The following FASTKD3 variants were observed in gnomAD, a reference collection of about 807,000 sequenced individuals.
The protein encoded by FASTKD3 is FAST kinase domains 3.
FASTKD3 carries 47 observed loss-of-function variants against 49.7 expected under a neutral mutation model. That is an observed-to-expected ratio of 0.95 (90% CI 0.75 to 1.21). FASTKD3 has a LOEUF of 1.21. Ranked by LOEUF, FASTKD3 falls within the 50% of genes most tolerant of loss-of-function variation. FASTKD3 has a pLI of 0.00. For synonymous variants in FASTKD3, 284 were observed against 288.6 expected (o/e 0.98, Z 0.16); for missense variants, 748 against 765.7 (o/e 0.98, Z 0.27).
rs747144604 is a variant in FASTKD3, at chr5:7,866,960, A to G, written c.1124T>C (p.Met375Thr). 4 of 1,614,050 alleles carry G rather than the reference A, an allele frequency of 2.5e-6. No homozygotes were observed. The Admixed American group carries it at 5.0e-5, about 20-fold the overall frequency. The part of the protein sequence containing the change: ...TLDPEVVCRV[M>T]EYCSRELILS... ...AATCAGTTCTCTACTGCAGTACTCCATGACCCTGCAGACAACTTCAGGATC... is the reference window on the plus strand; with the variant it reads ...AATCAGTTCTCTACTGCAGTACTCCGTGACCCTGCAGACAACTTCAGGATC... The change falls in exon 2 of 7, where the codon ATG becomes ACG. Residue 375 changes from methionine (M) to threonine (T), a missense_variant. Met to Thr is a moderately conservative substitution (Grantham distance 81). Transcript: ENST00000264669.
intron 5 of FASTKD3, 93 bp downstream of exon 5, chr5:7,861,490 T>C (rs1746528860): frequency 2.2e-6 from 2 of 892,214 alleles, no homozygotes; most frequent in Non-Finnish European, 1.6e-6. Flanking sequence ...TCCAGAATCA[T>C]ATCTATTTTT....
Position 7,865,905 on chromosome 5 carries a change from A to G in FASTKD3, c.1517T>C (p.Phe506Ser). Residue 506 changes from phenylalanine to serine, a missense_variant, in exon 3 of 7, where the codon TTC (phenylalanine) becomes TCC (serine). Around this residue, in one of 3 missense-constraint regions of FASTKD3, gnomAD observed 178 missense variants for 182.2 expected, o/e 0.98. Transcript: ENST00000264669. ...LFLASVLECP[F>S]YKGPKLLPKY... ...TATAGTTCATGCTTTTACCTTATAG[A>G]AAGGGCATTCCAGGACTGAGGCTAA... is the stretch of plus-strand genomic sequence containing the variant. 1 of 1,613,298 alleles carries G rather than the reference A, an allele frequency of 6.2e-7. No individual in the cohort carries two copies. The highest frequency in any genetic ancestry group is 1.1e-5 in the South Asian group (1 of 91,052).
chr5:7,865,953 C>T lies in FASTKD3; in HGVS notation c.1469G>A (p.Arg490Gln), dbSNP rs1327694983. 29 of 1,613,820 alleles carry T rather than the reference C, an allele frequency of 1.8e-5. No individual in the cohort carries two copies. The highest frequency in any genetic ancestry group is 2.3e-5 in the Non-Finnish European group (27 of 1,179,902). The part of the protein sequence containing the change: ...GKESHLDTLS[R>Q]AQLTQLFLAS... ...TAAGAAAAGTTGGGTCAGTTGTGCCCGACTCAATGTGTCCAAATGAGATTC... is the reference window on the plus strand; with the variant it reads ...TAAGAAAAGTTGGGTCAGTTGTGCCTGACTCAATGTGTCCAAATGAGATTC... The change falls in exon 3 of 7, where the codon CGG becomes CAG. Residue 490 changes from arginine (R) to glutamine (Q), a missense_variant. Around this residue, in one of 3 missense-constraint regions of FASTKD3, gnomAD observed 6 missense variants for 20.6 expected, o/e 0.29. Transcript: ENST00000264669.
intron 1 of FASTKD3, 59 bp downstream of exon 1, chr5:7,868,920 G>A (rs1282907478): frequency 1.6e-6 from 1 of 632,620 alleles, no homozygotes; most frequent in Non-Finnish European, 2.9e-6. Context: ...GGAGAAAGCC[G>A]GCCAGGTCTT....
Position 7,867,009 on chromosome 5 carries a change from C to T in FASTKD3, c.1075G>A (p.Val359Ile), listed in dbSNP as rs377498257. 5.6e-6 allele frequency: 9 copies of T among 1,614,124 alleles called. No homozygotes were observed. The African/African-American group carries it at 1.2e-4, about 22-fold the overall frequency. ...TCCAACGTGAGGCACACCGCAGCTA[C>T]ACGATGCTCTAGGGCTTTTGTAAAA... ...TFFTKALEHR[V>I]AAVCLTLDPE... The change falls in exon 2 of 7, where the codon GTA becomes ATA. Residue 359 changes from valine (V) to isoleucine (I), a missense_variant. Val to Ile is a conservative substitution (Grantham distance 29). Coordinates refer to ENST00000264669, the MANE Select transcript of FASTKD3 (RefSeq NM_024091.4).
At chr5:7,860,519 A>G (rs1409030586) in intron 6 of FASTKD3, among the ~76,000 whole-genome samples, 1 of 152,260 alleles carries the variant, frequency 6.6e-6, no homozygotes, top group Non-Finnish European at 1.5e-5. Flanking sequence ...GAATATAGGT[A>G]GGCCCCACTT....
chr5:7,861,729 T>C (rs1363642005), intron 4 of FASTKD3, 77 bp from the exon 5 acceptor site: 2 of 1,542,166 alleles, frequency 1.3e-6, no homozygotes, highest in Non-Finnish European at 8.7e-7. Flanking sequence ...TTCCTTTGCT[T>C]TGCTTTGATT....
Position 7,862,901 on chromosome 5 carries a change from T to G in FASTKD3, c.1621A>C (p.Lys541Gln). ...PVDSQLYRYV[K>Q]IGLTNLLGAR... ...CCTAAAAGGTTAGTCAGCCCAATCTTCACATATCTATAAAGCTGAGAATCC... is the reference window on the plus strand; with the variant it reads ...CCTAAAAGGTTAGTCAGCCCAATCTGCACATATCTATAAAGCTGAGAATCC... Residue 541 changes from lysine to glutamine, a missense_variant, in exon 4 of 7, where the codon AAG (lysine) becomes CAG (glutamine). Coordinates refer to ENST00000264669, the MANE Select transcript of FASTKD3 (RefSeq NM_024091.4). The G allele has an allele frequency of 6.2e-7, 1 of 1,614,082 alleles. No homozygotes were observed. The highest frequency in any genetic ancestry group is 8.5e-7 in the Non-Finnish European group (1 of 1,179,970).
At chr5:7,864,118 T>C (rs1746760193) in intron 3 of FASTKD3, among the ~76,000 whole-genome samples, 1 of 152,202 alleles carries the variant, frequency 6.6e-6, no homozygotes, top group Non-Finnish European at 1.5e-5. Flanking sequence ...CCAAAAGTGC[T>C]GCGATTACAG....
intron 1 of FASTKD3, among the ~76,000 whole-genome samples, chr5:7,868,540 G>A (rs149422144): frequency 1.3e-5 from 2 of 152,278 alleles, no homozygotes; most frequent in East Asian, 3.9e-4. Flanking sequence ...CAAAGAACAG[G>A]TAAAGTGGGC....
intron 1 of FASTKD3, 67 bp from the exon 2 acceptor site, chr5:7,868,263 G>A (rs1747202343): frequency 1.9e-6 from 1 of 538,764 alleles, no homozygotes; most frequent in Non-Finnish European, 3.2e-6. Flanking sequence ...CAAAGTCTCT[G>A]CATCCTAGAG....
chr5:7,864,879 A>T (rs1046371656), intron 3 of FASTKD3, among the ~76,000 whole-genome samples: 3 of 151,202 alleles, frequency 2.0e-5, no homozygotes, highest in African/African-American at 7.4e-5. Flanking sequence ...TCTAGTTTAT[A>T]TATGAAAAAA....
Position 7,867,096 on chromosome 5 carries a change from T to C in FASTKD3, c.988A>G (p.Thr330Ala), listed in dbSNP as rs774916287. 5.0e-6 allele frequency: 8 copies of C among 1,614,056 alleles called. No homozygotes were observed. Among genetic ancestry groups the C allele is most frequent in the Admixed American group, 1.7e-5 (1 of 59,998 alleles). The change falls in exon 2 of 7, where the codon ACT (threonine) becomes GCT (alanine). Residue 330 changes from threonine (T) to alanine (A), a missense_variant. By Grantham distance (58) the Thr-to-Ala change is moderately conservative (BLOSUM62 0). Coordinates refer to ENST00000264669, the MANE Select transcript of FASTKD3 (RefSeq NM_024091.4). ...AAGACTCTCCTAAGCTCCTCGTTAGTGAAATGTGGGACATGCCTCACGACA... is the reference window on the plus strand; with the variant it reads ...AAGACTCTCCTAAGCTCCTCGTTAGCGAAATGTGGGACATGCCTCACGACA... ...KYVVRHVPHF[T>A]NEELRRVLEA...
At chr5:7,861,760 A>C (rs780927235) in intron 4 of FASTKD3, 108 bp from the exon 5 acceptor site, 57 of 1,479,740 alleles carry the variant, frequency 3.9e-5, no homozygotes, top group Non-Finnish European at 4.9e-5. Flanking sequence ...TGCATTGATC[A>C]ATTGGACTGA....
At position 7,861,169 on chromosome 5, in the gene FASTKD3, G is replaced by A. The variant is rs1746506752; in HGVS notation, c.1864C>T (p.Leu622Phe). ...EAIKQRHLQL[L>F]GYQVVQIPYH... ...CGTACCTGAACAACTTGATAACCGA[G>A]TAACTGTAGGTGTCTTTGTTTAATA... is the stretch of plus-strand genomic sequence containing the variant. Residue 622 changes from leucine to phenylalanine, a missense_variant, in exon 6 of 7, where the codon CTC (leucine) becomes TTC (phenylalanine). Leu to Phe is a conservative substitution (Grantham distance 22, BLOSUM62 0). Around this residue, in one of 3 missense-constraint regions of FASTKD3, gnomAD observed 178 missense variants for 182.2 expected, o/e 0.98. Coordinates refer to ENST00000264669, the MANE Select transcript of FASTKD3 (RefSeq NM_024091.4). 1 of 1,607,332 alleles carries A rather than the reference G, an allele frequency of 6.2e-7. No individual in the cohort carries two copies. The highest frequency in any genetic ancestry group is 8.5e-7 in the Non-Finnish European group (1 of 1,175,570).
In FASTKD3 at chr5:7,867,327, G is replaced by T; in HGVS notation, c.757C>A (p.Pro253Thr). 1.9e-6 allele frequency: 3 copies of T among 1,613,918 alleles called. No homozygotes were observed. Among genetic ancestry groups the T allele is most frequent in the Non-Finnish European group, 2.5e-6 (3 of 1,180,028 alleles). The part of the protein sequence containing the change: ...LQGEKLETFT[P>T]EDIVALYRIL... ...CTATAAAGGGCCACAATATCCTCCG[G>T]GGTAAATGTTTCCAATTTTTCACCT... Residue 253 changes from proline to threonine, a missense_variant, in exon 2 of 7, where the codon CCG becomes ACG. This residue lies in a region of FASTKD3 where 564 missense variants were observed against 562.8 expected (regional missense o/e 1.00). Coordinates refer to ENST00000264669, the MANE Select transcript of FASTKD3 (RefSeq NM_024091.4).
chr5:7,864,131 A>G (rs1306399986), intron 3 of FASTKD3, among the ~76,000 whole-genome samples: 1 of 152,228 alleles, frequency 6.6e-6, no homozygotes, highest in African/African-American at 2.4e-5. Context: ...GATTACAGGC[A>G]TGAGCCACTG....
Position 7,861,278 on chromosome 5 carries a change from A to T in FASTKD3, c.1770-15T>A. 1 of 1,407,864 alleles carries T rather than the reference A, an allele frequency of 7.1e-7. No individual in the cohort carries two copies. The highest frequency in any genetic ancestry group is 9.6e-7 in the Non-Finnish European group (1 of 1,037,186). 87.2% of individuals were successfully genotyped at this position (1,407,864 alleles called of 1,614,324 possible). A position where few individuals can be genotyped will look rare whatever the true frequency, so the allele number is the denominator to read the frequency against. On this transcript the variant is annotated splice_polypyrimidine_tract_variant and intron_variant, in intron 5 of 6. Transcript: ENST00000264669. ...ACAGTGCTATCCTGAAAAATAAAAAAGGAGAAAAATACTTAATTTTTTAAA... is the reference window on the plus strand; with the variant it reads ...ACAGTGCTATCCTGAAAAATAAAAATGGAGAAAAATACTTAATTTTTTAAA...
intron 2 of FASTKD3, 123 bp from the exon 3 acceptor site, chr5:7,866,106 T>A (rs1746928418): frequency 1.4e-6 from 1 of 710,446 alleles, no homozygotes; most frequent in East Asian, 2.7e-5. Context: ...TAAATGACAC[T>A]ATGAAATGAA....
Sources: gnomAD v4.1 joint callset for allele counts (sites outside exome capture counted in the v4.1 genomes callset) on GRCh38, gnomAD v4.1.1 for gene constraint, gnomAD v4.1.1 regional missense constraint, MANE v1.5 for transcripts, NCBI Gene and HGNC (gene_info 2026-07-23, HGNC 2026-07-21) for gene names.